The following ESPL1 variants were observed in gnomAD, a reference collection of about 807,000 sequenced individuals.
ESPL1 encodes extra spindle pole bodies like 1, separase, also known as separin.
Under a neutral mutation model 217.2 loss-of-function variants are expected in ESPL1, and 50 were observed. That is an observed-to-expected ratio of 0.23 (90% CI 0.18 to 0.29). The LOEUF (loss-of-function observed/expected upper bound fraction) is 0.29. Among genes scored for constraint, ESPL1 ranks in the 10% least tolerant of loss-of-function variants. The pLI, the probability that ESPL1 is intolerant of heterozygous loss-of-function variation, is 1.00. For synonymous variants in ESPL1, 994 were observed against 1,081.3 expected (o/e 0.92, Z 1.58); for missense variants, 1,834 against 2,603.0 (o/e 0.70, Z 6.43).
At chr12:53,285,733 G>T (rs1943937088) in intron 17 of ESPL1, among the ~76,000 whole-genome samples, 191 bp from the exon 18 acceptor site, 2 of 151,430 alleles carry the variant, frequency 1.3e-5, no homozygotes, top group African/African-American at 2.4e-5. Flanking sequence ...AAAAGAAAAA[G>T]ATTTTACCTA....
At chr12:53,289,782 A>G (rs904304064) in intron 22 of ESPL1, 188 bp downstream of exon 22, 2 of 617,230 alleles carry the variant, frequency 3.2e-6, no homozygotes, top group African/African-American at 1.8e-5. Context: ...ACTTTGAATT[A>G]CCAGCAAATT....
Position 53,282,457 on chromosome 12 carries a change from C to T in ESPL1, c.2791+22C>T. On this transcript the variant is annotated intron_variant, in intron 14 of 30. Transcript: ENST00000257934. This position sits in a 1 kb window ranked among gnomAD's most constrained non-coding sequence, Gnocchi z 4.0. ...CAAGGTGAAAGAATAGGGTGGATGG[C>T]CCCCCTTGGATGACATGTATGGTCT... 6.2e-7 allele frequency: 1 copy of T among 1,608,936 alleles called. No individual in the cohort carries two copies. Among genetic ancestry groups the T allele is most frequent in the Non-Finnish European group, 8.5e-7 (1 of 1,175,882 alleles).
chr12:53,289,396 G>C lies in ESPL1; in HGVS notation c.4923-8G>C. 6.2e-7 allele frequency: 1 copy of C among 1,612,442 alleles called. No homozygotes were observed. The highest frequency in any genetic ancestry group is 8.5e-7 in the Non-Finnish European group (1 of 1,179,330). On this transcript the variant is annotated splice_region_variant and splice_polypyrimidine_tract_variant and intron_variant, in intron 21 of 30. Coordinates refer to ENST00000257934, the MANE Select transcript of ESPL1 (RefSeq NM_012291.5). ...ATGGGACCTCACCCCTCCCCGTGTTGCTTGCAGCAAGGCCCAGAAGCACCG... is the reference window on the plus strand; with the variant it reads ...ATGGGACCTCACCCCTCCCCGTGTTCCTTGCAGCAAGGCCCAGAAGCACCG...
At chr12:53,285,329 C>T (rs1943929601) in intron 17 of ESPL1, among the ~76,000 whole-genome samples, 1 of 152,186 alleles carries the variant, frequency 6.6e-6, no homozygotes, top group Non-Finnish European at 1.5e-5. Flanking sequence ...GCCAGCATCA[C>T]AGGGTAGGAG....
chr12:53,293,112 T>C lies in ESPL1; in HGVS notation c.6161+142T>C. On this transcript the variant is annotated intron_variant, in intron 30 of 30. Coordinates refer to ENST00000257934, the MANE Select transcript of ESPL1 (RefSeq NM_012291.5). The surrounding 1 kb of genome is among the most constrained non-coding windows in gnomAD (Gnocchi z 4.2). ...TAGTTCCCTGGCATGCCTGGACCAT[T>C]AACCCTTAGCTCCCTTCTGTTCTTC... 2.0e-6 allele frequency: 2 copies of C among 987,474 alleles called. No homozygotes were observed. Among genetic ancestry groups the C allele is most frequent in the East Asian group, 2.6e-5 (1 of 38,840 alleles). The allele number at this position is 987,474 out of a possible 1,614,324, so 61.2% of individuals were successfully genotyped here.
Position 53,275,726 on chromosome 12 carries a change from C to CT in ESPL1, c.1700+735dup, listed in dbSNP as rs560945425. ...TACATTTTGCATTTTGTGTCTGTTC[C>CT]TTTTTTTTTTTTTTTTTTTAATAGA... On this transcript the variant is annotated intron_variant, in intron 7 of 30. Transcript: ENST00000257934. Among the ~76,000 whole-genome samples, 1,171 of 129,508 alleles carry CT rather than the reference C, an allele frequency of 9.0e-3. 9 individuals carry two copies. Among genetic ancestry groups the CT allele is most frequent in the South Asian group, 0.026 (104 of 4,050 alleles). The allele number at this position is 129,508 out of a possible 152,430, so 85.0% of individuals were successfully genotyped here.
intron 13 of ESPL1, 25 bp downstream of exon 13, chr12:53,281,651 G>C (rs200388093): frequency 9.4e-6 from 15 of 1,604,088 alleles, no homozygotes; most frequent in Non-Finnish European, 1.3e-5. Context: ...CTTAAACTCC[G>C]AAGGCCCTGG....
Position 53,288,608 on chromosome 12 carries a change from CAAG to C in ESPL1, c.4624_4626del (p.Lys1542del). 1.9e-6 allele frequency: 3 copies of C among 1,613,844 alleles called. No individual in the cohort carries two copies. Among genetic ancestry groups the C allele is most frequent in the Non-Finnish European group, 2.5e-6 (3 of 1,180,008 alleles). The stretch of plus-strand genomic sequence containing the variant: ...GGGAGCTGCTGAGGCTGGATTCCAG[CAAG>C]AAGAAGCTGCCCAGCCCATGCCCAG... On this transcript the variant is annotated inframe_deletion, in exon 20 of 31. Transcript: ENST00000257934.
chr12:53,284,184 C>T lies in ESPL1; in HGVS notation c.3187+17C>T, dbSNP rs754652698. 1 of 1,486,962 alleles carries T rather than the reference C, an allele frequency of 6.7e-7. No homozygotes were observed. 92.1% of individuals were successfully genotyped at this position (1,486,962 alleles called of 1,614,324 possible). A position where few individuals can be genotyped will look rare whatever the true frequency, so the allele number is the denominator to read the frequency against. ...CTTGCACAGGTGAGCAGCCATGTCCCCATGACCATAGGCGGTGCTGAAATG... is the reference window on the plus strand; with the variant it reads ...CTTGCACAGGTGAGCAGCCATGTCCTCATGACCATAGGCGGTGCTGAAATG... On this transcript the variant is annotated intron_variant, in intron 17 of 30. Coordinates refer to ENST00000257934, the MANE Select transcript of ESPL1 (RefSeq NM_012291.5).
Position 53,269,177 on chromosome 12 carries a change from G to A in ESPL1, c.235G>A (p.Glu79Lys). 1 of 1,614,204 alleles carries A rather than the reference G, an allele frequency of 6.2e-7. No homozygotes were observed. Among genetic ancestry groups the A allele is most frequent in the Non-Finnish European group, 8.5e-7 (1 of 1,180,038 alleles). Reference protein sequence around the residue: ...RHLGSLLELAELACDGYLVST... With the variant: ...RHLGSLLELAKLACDGYLVST... ...TCTGGGGAGCCTGCTGGAGCTGGCA[G>A]AGCTGGCCTGTGATGGCTACTTAGT... The change falls in exon 3 of 31, where the codon GAG becomes AAG. Residue 79 changes from glutamate to lysine, a missense_variant. This residue lies in a region of ESPL1 where 746 missense variants were observed against 1,077.0 expected (regional missense o/e 0.69). Transcript: ENST00000257934. The surrounding 1 kb of genome is among the most constrained non-coding windows in gnomAD (Gnocchi z 6.7).
chr12:53,281,499 T>A lies in ESPL1; in HGVS notation c.2500-8T>A. ...CTTTCCTCATGTGCCCTCTGATTGC[T>A]TCCTTAGTTACACCTGGAAGAGGCA... On this transcript the variant is annotated splice_region_variant and splice_polypyrimidine_tract_variant and intron_variant, in intron 12 of 30. Coordinates refer to ENST00000257934, the MANE Select transcript of ESPL1 (RefSeq NM_012291.5). 6.2e-7 allele frequency: 1 copy of A among 1,612,752 alleles called. No individual in the cohort carries two copies. Among genetic ancestry groups the A allele is most frequent in the Non-Finnish European group, 8.5e-7 (1 of 1,179,292 alleles).
rs1199436342 is a variant in ESPL1, at chr12:53,268,740, T to C, written c.-12-15T>C. On this transcript the variant is annotated splice_polypyrimidine_tract_variant and intron_variant, in intron 1 of 30. Coordinates refer to ENST00000257934, the MANE Select transcript of ESPL1 (RefSeq NM_012291.5). ...TTCATTAACAATCTTCTCTAATTGG[T>C]CTCCTTTTCCCTAGCTCTCCGGTGT... is the stretch of plus-strand genomic sequence containing the variant. The C allele has an allele frequency of 4.6e-6, 7 of 1,524,200 alleles. No homozygotes were observed. The highest frequency in any genetic ancestry group is 6.3e-6 in the Non-Finnish European group (7 of 1,104,414). The allele number at this position is 1,524,200 out of a possible 1,614,324, so 94.4% of individuals were successfully genotyped here.
Position 53,269,586 on chromosome 12 carries a change from C to T in ESPL1, c.644C>T (p.Ala215Val). The T allele has an allele frequency of 6.2e-7, 1 of 1,614,224 alleles. No individual in the cohort carries two copies. Among genetic ancestry groups the T allele is most frequent in the Non-Finnish European group, 8.5e-7 (1 of 1,180,040 alleles). The change falls in exon 3 of 31, where the codon GCA (alanine) becomes GTA (valine). Residue 215 changes from alanine to valine, a missense_variant. Physicochemically the swap from Ala to Val is moderately conservative, Grantham distance 64. This residue lies in a region of ESPL1 where 746 missense variants were observed against 1,077.0 expected (regional missense o/e 0.69). Coordinates refer to ENST00000257934, the MANE Select transcript of ESPL1 (RefSeq NM_012291.5). This position sits in a 1 kb window ranked among gnomAD's most constrained non-coding sequence, Gnocchi z 6.7. ...FDASGHGLNE[A>V]DADFLDDLLS... ...GCCAGTGGCCATGGTCTAAATGAAG[C>T]AGATGCTGATTTCCTAGATGACCTG...
intron 12 of ESPL1, among the ~76,000 whole-genome samples, chr12:53,280,209 C>T (rs1267520833): frequency 6.6e-6 from 1 of 152,176 alleles, no homozygotes; most frequent in African/African-American, 2.4e-5. Context: ...CAGTTTCTCC[C>T]TTTTCTACTT....
At chr12:53,287,767 G>T in intron 18 of ESPL1, 2 of 513,682 alleles carry the variant, frequency 3.9e-6, no homozygotes, top group East Asian at 3.1e-5. Flanking sequence ...CCCACCTTCT[G>T]TTCCCTCATT....
In ESPL1 at chr12:53,281,637, CT is replaced by C; in HGVS notation, c.2619+14del. The C allele has an allele frequency of 6.2e-7, 1 of 1,608,902 alleles. No homozygotes were observed. The highest frequency in any genetic ancestry group is 8.5e-7 in the Non-Finnish European group (1 of 1,177,974). ...TGGACTCACCAGAAGGTATTTCTCA[CT>C]TTCTTAAACTCCGAAGGCCCTGGGT... On this transcript the variant is annotated intron_variant, in intron 13 of 30. Coordinates refer to ENST00000257934, the MANE Select transcript of ESPL1 (RefSeq NM_012291.5).
chr12:53,289,448 T>C lies in ESPL1; in HGVS notation c.4967T>C (p.Leu1656Pro). The change falls in exon 22 of 31, where the codon CTG (leucine) becomes CCG (proline). Residue 1656 changes from leucine to proline, a missense_variant. By Grantham distance (98) the Leu-to-Pro change is moderately conservative. This residue lies in a region of ESPL1 where 681 missense variants were observed against 808.0 expected (regional missense o/e 0.84). Coordinates refer to ENST00000257934, the MANE Select transcript of ESPL1 (RefSeq NM_012291.5). The stretch of plus-strand genomic sequence containing the variant: ...GGATCACTTGAAATAGCAGACCAGC[T>C]GCAGGGGCTGAGCCTTCAGGAGATG... ...HRGSLEIADQLQGLSLQEMPG... is the reference protein window; with the variant it reads ...HRGSLEIADQPQGLSLQEMPG... The C allele has an allele frequency of 1.9e-6, 3 of 1,614,152 alleles. No homozygotes were observed. The highest frequency in any genetic ancestry group is 2.5e-6 in the Non-Finnish European group (3 of 1,180,042).
rs1943795506 is a variant in ESPL1 at position 53,277,700 on chromosome 12, GGTAGGAGGTTGTGGAAGCA to G, written c.2224+95_2225-100del. On this transcript the variant is annotated intron_variant, in intron 10 of 30. Coordinates refer to ENST00000257934, the MANE Select transcript of ESPL1 (RefSeq NM_012291.5). ...GGTGAGGGAAACCCTGACCTTGTAG[GGTAGGAGGTTGTGGAAGCA>G]GTGGGAGGTTGGCGTAAAGGGCAGA... The G allele has an allele frequency of 1.9e-6, 3 of 1,574,786 alleles. No individual in the cohort carries two copies. In the South Asian group the frequency reaches 3.5e-5, roughly 18 times the overall value.
At position 53,286,088 on chromosome 12, in the gene ESPL1, C is replaced by G; in HGVS notation, c.3352C>G (p.Pro1118Ala). 3 of 1,612,242 alleles carry G rather than the reference C, an allele frequency of 1.9e-6. No homozygotes were observed. The highest frequency in any genetic ancestry group is 2.5e-6 in the Non-Finnish European group (3 of 1,178,436). The change falls in exon 18 of 31, where the codon CCC (proline) becomes GCC (alanine). Residue 1118 changes from proline to alanine, a missense_variant. Physicochemically the swap from Pro to Ala is conservative, Grantham distance 27 (BLOSUM62 -1). Around this residue, in one of 5 missense-constraint regions of ESPL1, gnomAD observed 681 missense variants for 808.0 expected, o/e 0.84. Transcript: ENST00000257934. This position sits in a 1 kb window ranked among gnomAD's most constrained non-coding sequence, Gnocchi z 5.3. ...LVATVAKEPG[P>A]IAPSTNSSPV... ...GGCCACTGTGGCCAAGGAGCCTGGC[C>G]CCATAGCACCTTCTACAAACTCCTC...
Sources: allele counts gnomAD v4.1 joint callset (sites outside exome capture counted in the v4.1 genomes callset), GRCh38; gene constraint gnomAD v4.1.1; regional missense constraint gnomAD v4.1.1; non-coding constraint Gnocchi (gnomAD v3.1); transcripts MANE v1.5; gene names NCBI Gene and HGNC (gene_info 2026-07-23, HGNC 2026-07-21).